Variants in TRPM3 observed in about 807,000 individuals in gnomAD.
TRPM3 encodes the protein long transient receptor potential channel 3.
A neutral mutation model predicts 181.2 loss-of-function variants in TRPM3; 77 were observed. The observed-to-expected ratio is 0.42, with a 90% CI of 0.35 to 0.51. The LOEUF is 0.51. TRPM3 is among the 20% of genes least tolerant of loss of function. TRPM3 has a pLI of 0.01. For synonymous variants in TRPM3, 745 were observed against 796.4 expected (o/e 0.94, Z 1.09); for missense variants, 1,759 against 2,196.7 (o/e 0.80, Z 3.98).
chr9:70,976,168 T>C lies in TRPM3; in HGVS notation c.178-111657A>G, dbSNP rs117553020. 5.2e-3 allele frequency among the ~76,000 whole-genome samples: 790 copies of C among 152,274 alleles called. 21 individuals are homozygous for C. The East Asian group carries it at 0.081, about 16-fold the overall frequency. ...ACAGTACGGGGAAGGAGAACACAGA[T>C]ATGCTCTCATTCCTGGTGCAGAACA... On this transcript the variant is annotated intron_variant, in intron 1 of 25. Coordinates refer to ENST00000677713, the MANE Select transcript of TRPM3 (RefSeq NM_001366145.2).
intron 6 of TRPM3, among the ~76,000 whole-genome samples, chr9:70,804,055 G>C (rs928747418): frequency 5.9e-5 from 9 of 152,066 alleles, no homozygotes; most frequent in African/African-American, 2.2e-4. Flanking sequence ...TTCTGGCCAG[G>C]CATGGTGGCT....
intron 8 of TRPM3, among the ~76,000 whole-genome samples, chr9:70,687,411 A>G (rs954205909): frequency 2.0e-5 from 3 of 152,194 alleles, no homozygotes; most frequent in African/African-American, 7.2e-5. Context: ...ATATTTATTT[A>G]CTATAAAATT....
chr9:70,917,578 T>C (rs2096613540), intron 1 of TRPM3: 1 of 586,752 alleles, frequency 1.7e-6, no homozygotes, highest in Non-Finnish European at 3.1e-6. Flanking sequence ...TATATCAACT[T>C]AAAATAATGG....
At chr9:70,553,365 AAAAT>A in intron 22 of TRPM3, 55 bp from the exon 23 acceptor site, 1 of 1,590,862 alleles carries the variant, frequency 6.3e-7, no homozygotes, top group Non-Finnish European at 8.6e-7. Flanking sequence ...AGTTAGAAAA[AAAAT>A]AAAAAGATGG....
At chr9:71,097,421 A>C (rs1323378635) in intron 1 of TRPM3, among the ~76,000 whole-genome samples, 1 of 152,124 alleles carries the variant, frequency 6.6e-6, no homozygotes, top group Non-Finnish European at 1.5e-5. Context: ...CATAGTATTT[A>C]CACTTAATAT....
chr9:71,110,071 A>AC (rs1443944318), intron 1 of TRPM3, among the ~76,000 whole-genome samples: 1 of 152,070 alleles, frequency 6.6e-6, no homozygotes, highest in Non-Finnish European at 1.5e-5. Flanking sequence ...GTATTCTCCT[A>AC]CCCCTCATAA....
intron 1 of TRPM3, among the ~76,000 whole-genome samples, chr9:71,340,828 C>T (rs988018091): frequency 1.3e-5 from 2 of 151,970 alleles, no homozygotes; most frequent in Non-Finnish European, 2.9e-5. Context: ...TAAAAGAAAC[C>T]AGGGCTCCTT....
intron 20 of TRPM3, among the ~76,000 whole-genome samples, chr9:70,602,581 C>T (rs1305524003): frequency 6.6e-6 from 1 of 152,192 alleles, no homozygotes; most frequent in African/African-American, 2.4e-5. Context: ...GCCTGCCTTC[C>T]TAATGGCTTT....
chr9:70,950,286 C>A (rs1004847384), intron 1 of TRPM3, among the ~76,000 whole-genome samples: 1 of 152,086 alleles, frequency 6.6e-6, no homozygotes, highest in African/African-American at 2.4e-5. Context: ...CTTGAAAAAC[C>A]TTTTACAGAA....
intron 1 of TRPM3, among the ~76,000 whole-genome samples, chr9:71,021,671 C>T (rs992145180): frequency 1.3e-5 from 2 of 151,912 alleles, no homozygotes; most frequent in African/African-American, 4.8e-5. Flanking sequence ...AGGTATAAGA[C>T]GAAATATTTG....
intron 1 of TRPM3, among the ~76,000 whole-genome samples, chr9:70,926,349 T>G (rs970642109): frequency 6.6e-6 from 1 of 152,212 alleles, no homozygotes; most frequent in African/African-American, 2.4e-5. Flanking sequence ...TGAAGTTATC[T>G]GTATTTATCT....
chr9:71,200,391 G>A (rs566820930), intron 1 of TRPM3, among the ~76,000 whole-genome samples: 1,979 of 150,860 alleles, frequency 0.013, 32 homozygotes, highest in South Asian at 0.061. Flanking sequence ...TATTAGGCCC[G>A]CTTGGTGCAG....
Position 71,143,035 on chromosome 9 carries a change from G to A in TRPM3, c.184-278524C>T, listed in dbSNP as rs138965224. On this transcript the variant is annotated intron_variant, in intron 1 of 24. Transcript: ENST00000357533. ...CCTGGTGGCACATGCCTGTAGTTCCGGCTACTTGGGAGGCTGAGGCGGGAA... is the reference window on the plus strand; with the variant it reads ...CCTGGTGGCACATGCCTGTAGTTCCAGCTACTTGGGAGGCTGAGGCGGGAA... 2.1e-4 allele frequency among the ~76,000 whole-genome samples: 31 copies of A among 150,072 alleles called. No individual in the cohort carries two copies. In the East Asian group the frequency reaches 5.1e-3, roughly 25 times the overall value.
At chr9:70,695,755 C>G (rs1262790950) in intron 8 of TRPM3, among the ~76,000 whole-genome samples, 2 of 152,202 alleles carry the variant, frequency 1.3e-5, no homozygotes, top group African/African-American at 4.8e-5. Context: ...TGACTTCATC[C>G]AATCCCACAA....
chr9:71,208,233 T>G (rs991808911), intron 1 of TRPM3, among the ~76,000 whole-genome samples: 1 of 152,182 alleles, frequency 6.6e-6, no homozygotes, highest in Non-Finnish European at 1.5e-5. Flanking sequence ...GACACTCACC[T>G]TAGCTGGAAC....
intron 1 of TRPM3, among the ~76,000 whole-genome samples, chr9:71,277,297 T>G (rs1391768622): frequency 6.6e-6 from 1 of 152,224 alleles, no homozygotes; most frequent in South Asian, 2.1e-4. Flanking sequence ...GAAATGGGAA[T>G]AGTAAATGTA....
intron 1 of TRPM3, among the ~76,000 whole-genome samples, chr9:71,022,608 G>C (rs2097855898): frequency 6.6e-6 from 1 of 152,084 alleles, no homozygotes; most frequent in African/African-American, 2.4e-5. Context: ...AGAGGTGGGA[G>C]GATATTTTGA....
chr9:71,111,028 C>T (rs909760789), intron 1 of TRPM3, among the ~76,000 whole-genome samples: 1 of 152,102 alleles, frequency 6.6e-6, no homozygotes, highest in Admixed American at 6.6e-5. Context: ...TTAAACATTT[C>T]ACTGGATAAC....
intron 1 of TRPM3, among the ~76,000 whole-genome samples, chr9:70,976,746 A>G (rs151028450): frequency 1.3e-5 from 2 of 152,352 alleles, no homozygotes; most frequent in Non-Finnish European, 2.9e-5. Context: ...ATCTGTTAAA[A>G]TGTGCAAAAT....
Sources: gnomAD v4.1 joint callset for allele counts (sites outside exome capture counted in the v4.1 genomes callset) on GRCh38, gnomAD v4.1.1 for gene constraint, MANE v1.5 for transcripts, NCBI Gene and HGNC (gene_info 2026-07-23, HGNC 2026-07-21) for gene names.